LZTFL1: variants seen among roughly 807,000 people sequenced by gnomAD.
The protein encoded by LZTFL1 is leucine zipper transcription factor like 1.
In LZTFL1, 25 loss-of-function variants were observed where a neutral mutation model predicts 45.9. The observed-to-expected ratio is 0.54, with a 90% confidence interval of 0.40 to 0.76. The LOEUF is 0.76. LZTFL1 is among the 30% of genes least tolerant of loss of function. LZTFL1 has a pLI of 0.00. For missense variants in LZTFL1, 277 were observed against 331.1 expected, an observed-to-expected ratio of 0.84 and a Z score of 1.27; for synonymous variants, 93 against 117.4, an observed-to-expected ratio of 0.79 and a Z score of 1.35.
intron 4 of LZTFL1, among the ~76,000 whole-genome samples, chr3:45,833,985 TGAGTG>T (rs1700900918): frequency 6.6e-6 from 1 of 152,220 alleles, no homozygotes; most frequent in Non-Finnish European, 1.5e-5. Context: ...AGAGTATTTA[TGAGTG>T]GGATTGAGAC....
chr3:45,896,429 G>A (rs1474076015), intron 2 of LZTFL1, among the ~76,000 whole-genome samples: 8 of 152,222 alleles, frequency 5.3e-5, no homozygotes, highest in South Asian at 2.1e-4. Context: ...GAAAGTAGCC[G>A]TGGCACCCTG....
chr3:45,873,191 C>G (rs1199608022), intron 2 of LZTFL1, among the ~76,000 whole-genome samples: 1 of 152,116 alleles, frequency 6.6e-6, no homozygotes, highest in Non-Finnish European at 1.5e-5. Flanking sequence ...GTACACAAAC[C>G]CTGGGGATTT....
chr3:45,826,432 A>G, intron 9 of LZTFL1, 100 bp from the exon 10 acceptor site: 1 of 943,778 alleles, frequency 1.1e-6, no homozygotes, highest in South Asian at 1.4e-5. Context: ...TCTCACTTCA[A>G]ATTACTGTTA....
chr3:45,889,865 C>T (rs1330465487), intron 2 of LZTFL1, among the ~76,000 whole-genome samples: 1 of 151,604 alleles, frequency 6.6e-6, no homozygotes, highest in Non-Finnish European at 1.5e-5. Flanking sequence ...AGTTGTTTTC[C>T]AATTTTTGTT....
intron 2 of LZTFL1, among the ~76,000 whole-genome samples, chr3:45,877,259 G>A (rs1357183547): frequency 6.9e-6 from 1 of 145,390 alleles, no homozygotes; most frequent in African/African-American, 2.6e-5. Context: ...TGGAGACAGA[G>A]TTTTGCTCTT....
chr3:45,878,011 G>A, intron 2 of LZTFL1, among the ~76,000 whole-genome samples: 1 of 152,160 alleles, frequency 6.6e-6, no homozygotes, highest in Non-Finnish European at 1.5e-5. Context: ...CTCCCAAAGT[G>A]TTGGGATTAC....
chr3:45,874,907 T>C (rs143119504), intron 2 of LZTFL1, among the ~76,000 whole-genome samples: 235 of 152,298 alleles, frequency 1.5e-3, no homozygotes, highest in African/African-American at 5.5e-3. Flanking sequence ...GGACCAGTGG[T>C]AACATCATCC....
At chr3:45,883,698 A>G in intron 2 of LZTFL1, 1 of 571,306 alleles carries the variant, frequency 1.8e-6, no homozygotes. Context: ...GAAAGAGCAA[A>G]GCCCAGAAAA....
Position 45,901,223 on chromosome 3 carries a change from C to T in LZTFL1, c.-215+11897G>A, listed in dbSNP as rs770786692. The T allele has an allele frequency of 7.4e-6, 12 of 1,614,152 alleles. No individual in the cohort carries two copies. In the East Asian group the frequency reaches 2.5e-4, roughly 33 times the overall value. Reference sequence around the variant, plus strand: ...TCATGTGCATCAGCGTGGACAGGTACATTGCCATTGCCCAGGCCATGAGAG... The same window carrying T: ...TCATGTGCATCAGCGTGGACAGGTATATTGCCATTGCCCAGGCCATGAGAG... On this transcript the variant is annotated intron_variant, in intron 2 of 4. Coordinates refer to the LZTFL1 transcript ENST00000472635. This position sits in a 1 kb window ranked among gnomAD's most constrained non-coding sequence, Gnocchi z 4.3.
intron 2 of LZTFL1, chr3:45,883,895 C>A: frequency 1.9e-6 from 1 of 517,122 alleles, no homozygotes; most frequent in African/African-American, 2.0e-5. Flanking sequence ...GAGCAAAACA[C>A]TGACAATCCT....
At chr3:45,855,568 T>C (rs1336510050) in intron 3 of LZTFL1, among the ~76,000 whole-genome samples, 1 of 152,124 alleles carries the variant, frequency 6.6e-6, no homozygotes, top group Non-Finnish European at 1.5e-5. Context: ...GACAGGACAA[T>C]CAGGCAAGAG....
chr3:45,828,990 A>G (rs1469308252), intron 7 of LZTFL1, among the ~76,000 whole-genome samples: 1 of 152,272 alleles, frequency 6.6e-6, no homozygotes, highest in Non-Finnish European at 1.5e-5. Context: ...GAATTCTTCA[A>G]AATGATAGAA....
intron 4 of LZTFL1, among the ~76,000 whole-genome samples, chr3:45,851,060 C>T (rs1490846353): frequency 2.0e-5 from 3 of 152,098 alleles, no homozygotes; most frequent in Non-Finnish European, 2.9e-5. Flanking sequence ...ACTTCAGGAC[C>T]TGTCTGCTCC....
intron 1 of LZTFL1, 29 bp from the exon 2 acceptor site, chr3:45,838,080 T>C: frequency 6.3e-7 from 1 of 1,575,840 alleles, no homozygotes; most frequent in Non-Finnish European, 8.6e-7. Flanking sequence ...ATTTAATTGT[T>C]AGTTTTGAAG....
Position 45,901,267 on chromosome 3 carries a change from A to T in LZTFL1, c.-215+11853T>A. On this transcript the variant is annotated intron_variant, in intron 2 of 4. Transcript: ENST00000472635. The surrounding 1 kb of genome is among the most constrained non-coding windows in gnomAD (Gnocchi z 4.3). ...ATGAGAGCACATACTTGGAGGGAGA[A>T]AAGGCTTTTGTACAGCAAAATGGTT... 6.2e-7 allele frequency: 1 copy of T among 1,614,220 alleles called. No individual in the cohort carries two copies. The highest frequency in any genetic ancestry group is 8.5e-7 in the Non-Finnish European group (1 of 1,180,042).
chr3:45,852,964 C>G (rs1701330371), intron 4 of LZTFL1, among the ~76,000 whole-genome samples: 1 of 152,204 alleles, frequency 6.6e-6, no homozygotes, highest in Non-Finnish European at 1.5e-5. Flanking sequence ...ATGCCCTTTC[C>G]TCTTCAAACA....
chr3:45,913,144 C>T lies in LZTFL1; in HGVS notation c.-239G>A, dbSNP rs1354476372. On this transcript the variant is annotated 5_prime_UTR_variant, in exon 2 of 5. Coordinates refer to the LZTFL1 transcript ENST00000472635. The stretch of plus-strand genomic sequence containing the variant: ...CCATCTTCCCTGGGTCTTGGTTCCT[C>T]ATCTGTAAAAGTGGGCTGACTTACA... The T allele has an allele frequency of 6.5e-6, 10 of 1,535,922 alleles. 2 individuals are homozygous for T. In the Middle Eastern group the frequency reaches 1.3e-3, roughly 204 times the overall value.
intron 2 of LZTFL1, among the ~76,000 whole-genome samples, chr3:45,864,435 C>T (rs1352034487): frequency 1.3e-5 from 2 of 152,146 alleles, no homozygotes; most frequent in Non-Finnish European, 2.9e-5. Flanking sequence ...TAAAAATCAA[C>T]CACAGGGCAA....
intron 9 of LZTFL1, chr3:45,827,128 G>C (rs1335403694): frequency 2.0e-6 from 1 of 501,298 alleles, no homozygotes; most frequent in Non-Finnish European, 3.5e-6. Flanking sequence ...GCAGCTTACT[G>C]TAGGCCTGTG....
Sources: gnomAD v4.1 joint callset for allele counts (sites outside exome capture counted in the v4.1 genomes callset) on GRCh38, gnomAD v4.1.1 for gene constraint, Gnocchi (gnomAD v3.1) non-coding constraint, MANE v1.5 for transcripts, NCBI Gene and HGNC (gene_info 2026-07-23, HGNC 2026-07-21) for gene names.